The following OGFOD3 variants were observed in gnomAD, a reference collection of about 807,000 sequenced individuals.
OGFOD3 encodes the protein 2-oxoglutarate and iron-dependent oxygenase domain-containing protein 3.
In OGFOD3, 35 loss-of-function variants were observed where a neutral mutation model predicts 39.8. That is an observed-to-expected ratio of 0.88 (90% CI 0.67 to 1.17). OGFOD3 has a LOEUF of 1.17. Among genes scored for constraint, OGFOD3 ranks in the 50% most tolerant of loss-of-function variants. OGFOD3 has a pLI of 0.00. For missense variants in OGFOD3, 438 were observed against 454.5 expected (o/e 0.96, Z 0.33); for synonymous variants, 200 against 192.0 (o/e 1.04, Z -0.34).
chr17:82,394,180 T>C (rs542923517), intron 8 of OGFOD3, among the ~76,000 whole-genome samples: 1 of 151,740 alleles, frequency 6.6e-6, no homozygotes, highest in East Asian at 1.9e-4. Flanking sequence ...TTAGTAGAGA[T>C]GTAGTTTCAC....
intron 7 of OGFOD3, 179 bp downstream of exon 7, chr17:82,403,758 T>A (rs2052803308): frequency 1.3e-6 from 1 of 791,002 alleles, no homozygotes; most frequent in Non-Finnish European, 2.0e-6. Flanking sequence ...CCTGTCCACA[T>A]GCGCGCTCAC....
intron 2 of OGFOD3, among the ~76,000 whole-genome samples, chr17:82,414,158 C>T (rs906290643): frequency 6.6e-6 from 1 of 152,056 alleles, no homozygotes; most frequent in Non-Finnish European, 1.5e-5. Flanking sequence ...GTCAGGATCT[C>T]GCTCTGTCAC....
At position 82,411,942 on chromosome 17, in the gene OGFOD3, C is replaced by T. The variant is rs184593766; in HGVS notation, c.305-412G>A. Among the ~76,000 whole-genome samples the T allele has an allele frequency of 3.2e-3, 485 of 152,102 alleles. 9 individuals carry two copies. The highest frequency in any genetic ancestry group is 3.7e-3 in the Non-Finnish European group (253 of 67,978). ...AGAGAGGAAAACCCTCCTGAGACCACCAGGGAGGAAAACCCTCCTGAGGCC... is the reference window on the plus strand; with the variant it reads ...AGAGAGGAAAACCCTCCTGAGACCATCAGGGAGGAAAACCCTCCTGAGGCC... On this transcript the variant is annotated intron_variant, in intron 2 of 8. Transcript: ENST00000313056.
rs2052865266 is a variant in OGFOD3, at chr17:82,406,940, AGACGT to A, written c.424-463_424-459del. Among the ~76,000 whole-genome samples, 1 of 152,268 alleles carries A rather than the reference AGACGT, an allele frequency of 6.6e-6. No individual in the cohort carries two copies. Among genetic ancestry groups the A allele is most frequent in the African/African-American group, 2.4e-5 (1 of 41,564 alleles). On this transcript the variant is annotated intron_variant, in intron 4 of 8. Coordinates refer to ENST00000313056, the MANE Select transcript of OGFOD3 (RefSeq NM_024648.3). The surrounding 1 kb of genome is among the most constrained non-coding windows in gnomAD (Gnocchi z 5.2). ...TTCTTAAAATCCTCCCAGACCGGCC[AGACGT>A]GGTGGCTCACACCTGCAATCCCAGC... is the stretch of plus-strand genomic sequence containing the variant.
chr17:82,405,035 C>T (rs1299290610), intron 6 of OGFOD3, among the ~76,000 whole-genome samples: 1 of 152,172 alleles, frequency 6.6e-6, no homozygotes, highest in East Asian at 1.9e-4. Context: ...ACACCGCACC[C>T]AGCCTCATCT....
At chr17:82,409,269 AC>A (rs1345775513) in intron 4 of OGFOD3, 98 bp downstream of exon 4, 8 of 1,248,046 alleles carry the variant, frequency 6.4e-6, no homozygotes, top group Non-Finnish European at 9.4e-6. Context: ...ATTTGGGGGC[AC>A]GCAGGGAACC....
At chr17:82,393,272 C>T (rs562076875) in intron 8 of OGFOD3, 2 of 152,292 alleles carry the variant, frequency 1.3e-5, no homozygotes, top group Non-Finnish European at 2.9e-5. Context: ...CGGGCTCCCC[C>T]ACGTGGCTCC....
intron 2 of OGFOD3, among the ~76,000 whole-genome samples, chr17:82,414,029 G>A (rs893721394): frequency 1.3e-5 from 2 of 152,308 alleles, no homozygotes; most frequent in African/African-American, 4.8e-5. Context: ...GCATCGTGCA[G>A]CCGTCACTAG....
chr17:82,403,561 G>A (rs1396956705), intron 7 of OGFOD3, among the ~76,000 whole-genome samples: 3 of 152,176 alleles, frequency 2.0e-5, no homozygotes, highest in Non-Finnish European at 2.9e-5. Context: ...GAACCCGGGA[G>A]GCAGAGGTTG....
intron 7 of OGFOD3, among the ~76,000 whole-genome samples, chr17:82,401,769 A>G (rs1288947228): frequency 7.1e-6 from 1 of 141,134 alleles, no homozygotes; most frequent in Non-Finnish European, 1.5e-5. Flanking sequence ...GCGCCACAGC[A>G]CTCCAGCCTG....
intron 7 of OGFOD3, 98 bp from the exon 8 acceptor site, chr17:82,398,417 T>C: frequency 6.3e-6 from 9 of 1,438,168 alleles, no homozygotes; most frequent in Non-Finnish European, 8.5e-6. Flanking sequence ...ATTTATTTTT[T>C]GAGACAGAGT....
chr17:82,407,265 CAAAAA>C (rs35103178), intron 4 of OGFOD3, among the ~76,000 whole-genome samples: 3 of 139,062 alleles, frequency 2.2e-5, no homozygotes, highest in Non-Finnish European at 4.7e-5. Flanking sequence ...AACTCCATCT[CAAAAA>C]AAAAAAAAAA....
Position 82,392,518 on chromosome 17 carries a change from G to T in OGFOD3, c.840C>A (p.Phe280Leu). The change falls in exon 9 of 9, where the codon TTC (phenylalanine) becomes TTA (leucine). Residue 280 changes from phenylalanine to leucine, a missense_variant. By Grantham distance (22) the Phe-to-Leu change is conservative. Coordinates refer to ENST00000313056, the MANE Select transcript of OGFOD3 (RefSeq NM_024648.3). This position sits in a 1 kb window ranked among gnomAD's most constrained non-coding sequence, Gnocchi z 4.2. ...VEPRAGRVSF[F>L]TSGSENLHRV... The stretch of plus-strand genomic sequence containing the variant: ...GGTGTAGGTTCTCGGACCCCGAGGT[G>T]AAGAAGGAGACGCGACCTGGGAGAG... The T allele has an allele frequency of 1.3e-6, 2 of 1,593,948 alleles. No homozygotes were observed. The highest frequency in any genetic ancestry group is 2.3e-5 in the South Asian group (2 of 87,746).
In OGFOD3 at chr17:82,392,759, G is replaced by A; in HGVS notation, c.824-225C>T. On this transcript the variant is annotated intron_variant, in intron 8 of 8. Coordinates refer to ENST00000313056, the MANE Select transcript of OGFOD3 (RefSeq NM_024648.3). This position sits in a 1 kb window ranked among gnomAD's most constrained non-coding sequence, Gnocchi z 4.2. ...TGTGGCGGAGGAGGGGCCCCCCGGG[G>A]CCAGCAGGGACTCTGTGGTGGGCAG... 2 of 585,836 alleles carry A rather than the reference G, an allele frequency of 3.4e-6. No homozygotes were observed. The highest frequency in any genetic ancestry group is 6.0e-6 in the Non-Finnish European group (2 of 335,034). The allele number at this position is 585,836 out of a possible 1,614,324, so 36.3% of individuals were successfully genotyped here.
In OGFOD3 at chr17:82,394,650, CA is replaced by C. The variant is rs1367502109; in HGVS notation, c.824-2117del. ...GAGGCCTGGCCTTTGCCCCGGCTCC[CA>C]GGGGGGACCTCTGAGCCCTCAGAAC... On this transcript the variant is annotated intron_variant, in intron 8 of 8. Transcript: ENST00000313056. The C allele has an allele frequency of 1.1e-5, 9 of 800,884 alleles. No individual in the cohort carries two copies. The Admixed American group carries it at 1.3e-4, about 11-fold the overall frequency. The allele number at this position is 800,884 out of a possible 1,614,324, so 49.6% of individuals were successfully genotyped here.
rs2053019082 is a variant in OGFOD3, at chr17:82,415,540, C to G, written c.162G>C (p.Val54=). The G allele has an allele frequency of 3.1e-6, 5 of 1,613,404 alleles. No individual in the cohort carries two copies. The highest frequency in any genetic ancestry group is 3.4e-6 in the Non-Finnish European group (4 of 1,179,944). ...LRTAGLGAGF[V]LTALLLWSSL... The stretch of plus-strand genomic sequence containing the variant: ...TGCTCCAGAGCAGGAGTGCGGTGAG[C>G]ACAAAGCCAGCCCCCAGGCCCGCGG... The change falls in exon 2 of 9, where the codon GTG becomes GTC. Residue 54 remains valine (V), a synonymous_variant. Transcript: ENST00000313056. The surrounding 1 kb of genome is among the most constrained non-coding windows in gnomAD (Gnocchi z 5.3).
Position 82,415,362 on chromosome 17 carries a change from TGA to T in OGFOD3, c.304+34_304+35del. 1 of 1,587,206 alleles carries T rather than the reference TGA, an allele frequency of 6.3e-7. No homozygotes were observed. Among genetic ancestry groups the T allele is most frequent in the Non-Finnish European group, 8.6e-7 (1 of 1,158,020 alleles). Reference sequence around the variant, plus strand: ...CGCAGCCAATGTCCTTTAACCACACTGAGTCTCATTTTAAAGTGTTGCTTTCC... The same window carrying T: ...CGCAGCCAATGTCCTTTAACCACACTGTCTCATTTTAAAGTGTTGCTTTCC... On this transcript the variant is annotated intron_variant, in intron 2 of 8. Coordinates refer to ENST00000313056, the MANE Select transcript of OGFOD3 (RefSeq NM_024648.3). This position sits in a 1 kb window ranked among gnomAD's most constrained non-coding sequence, Gnocchi z 5.3.
intron 2 of OGFOD3, among the ~76,000 whole-genome samples, chr17:82,413,939 T>C (rs2143292086): frequency 6.6e-6 from 1 of 152,204 alleles, no homozygotes; most frequent in East Asian, 1.9e-4. Context: ...TGTTTTATTG[T>C]AAAATATATA....
chr17:82,394,935 G>A (rs1340665681), intron 8 of OGFOD3, among the ~76,000 whole-genome samples: 4 of 152,210 alleles, frequency 2.6e-5, no homozygotes, highest in Non-Finnish European at 5.9e-5. Flanking sequence ...ACTAAGAGCT[G>A]TTGACCCAAC....
Sources: allele counts gnomAD v4.1 joint callset (sites outside exome capture counted in the v4.1 genomes callset), GRCh38; gene constraint gnomAD v4.1.1; non-coding constraint Gnocchi (gnomAD v3.1); transcripts MANE v1.5; gene names NCBI Gene and HGNC (gene_info 2026-07-23, HGNC 2026-07-21).